Variants in USP36 observed in about 807,000 individuals in gnomAD.
USP36 encodes ubiquitin specific peptidase 36.
USP36 carries 59 observed loss-of-function variants against 111.5 expected under a neutral mutation model. That is an observed-to-expected ratio of 0.53 (90% CI 0.43 to 0.66). The LOEUF (loss-of-function observed/expected upper bound fraction) is 0.66, where lower values mean the gene tolerates loss of function less well. Ranked by LOEUF, USP36 falls within the 30% of genes least tolerant of loss-of-function variation. The probability of loss-of-function intolerance (pLI) is 0.00; values close to 1 mark genes in which losing one functional copy is unlikely to be tolerated. For missense variants in USP36, 1,488 were observed against 1,468.0 expected (o/e 1.01, Z -0.22); for synonymous variants, 628 against 581.0 (o/e 1.08, Z -1.16).
chr17:78,829,893 A>G (rs1599090138), intron 4 of USP36, among the ~76,000 whole-genome samples: 1 of 152,110 alleles, frequency 6.6e-6, no homozygotes, highest in Admixed American at 6.5e-5. Context: ...GGCTCGTGCC[A>G]CCATGCCAGG....
Position 78,807,596 on chromosome 17 carries a change from T to C in USP36, c.1448A>G (p.Glu483Gly). Residue 483 changes from glutamate (E) to glycine (G), a missense_variant, in exon 14 of 21, where the codon GAA becomes GGA. Physicochemically the swap from Glu to Gly is moderately conservative, Grantham distance 98 (BLOSUM62 -2). Coordinates refer to ENST00000449938, the MANE Select transcript of USP36 (RefSeq NM_001385174.1). ...CCTGGATATGGGCACACCAATCTCT[T>C]CAGTGGTGTGCGGCTTCTTCATCGT... is the stretch of plus-strand genomic sequence containing the variant. ...SGTMKKPHTT[E>G]EIGVPISRNG... 6.4e-7 allele frequency: 1 copy of C among 1,565,406 alleles called. No individual in the cohort carries two copies. The highest frequency in any genetic ancestry group is 8.7e-7 in the Non-Finnish European group (1 of 1,156,016).
intron 12 of USP36, among the ~76,000 whole-genome samples, chr17:78,813,270 A>AG (rs3068285): frequency 0.49 from 74,355 of 151,290 alleles, 18,378 homozygotes; most frequent in Non-Finnish European, 0.53. Context: ...AGAAAGCAAG[A>AG]ACCTCAAACA....
chr17:78,806,389 G>C, intron 14 of USP36, 103 bp from the exon 15 acceptor site: 3 of 1,498,860 alleles, frequency 2.0e-6, no homozygotes, highest in East Asian at 2.3e-5. Flanking sequence ...AAACAAAAGA[G>C]CCCAGAAAAA....
Position 78,807,171 on chromosome 17 carries a change from T to C in USP36, c.1873A>G (p.Lys625Glu), listed in dbSNP as rs750482825. The C allele has an allele frequency of 6.2e-7, 1 of 1,614,164 alleles. No homozygotes were observed. Among genetic ancestry groups the C allele is most frequent in the Non-Finnish European group, 8.5e-7 (1 of 1,180,018 alleles). The change falls in exon 14 of 21, where the codon AAG becomes GAG. Residue 625 changes from lysine (K) to glutamate (E), a missense_variant. By Grantham distance (56) the Lys-to-Glu change is moderately conservative (BLOSUM62 1). This residue lies in a region of USP36 where 1,073 missense variants were observed against 994.1 expected (regional missense o/e 1.08). Coordinates refer to ENST00000449938, the MANE Select transcript of USP36 (RefSeq NM_001385174.1). ...PEHSASSDST[K>E]APQTPRSGAA... ...CCACTCCTGGGGGTCTGGGGGGCCT[T>C]GGTGGAGTCGCTGCTGGCCGAGTGC...
rs375431712 is a variant in USP36, at chr17:78,798,478, C to T, written c.3314G>A (p.Arg1105Gln). The T allele has an allele frequency of 5.6e-6, 9 of 1,614,062 alleles. No individual in the cohort carries two copies. The highest frequency in any genetic ancestry group is 5.5e-5 in the South Asian group (5 of 91,094). The change falls in exon 20 of 21, where the codon CGG becomes CAG. Residue 1105 changes from arginine to glutamine, a missense_variant. Physicochemically the swap from Arg to Gln is conservative, Grantham distance 43. Around this residue, in one of 3 missense-constraint regions of USP36, gnomAD observed 1,073 missense variants for 994.1 expected, o/e 1.08. Coordinates refer to ENST00000449938, the MANE Select transcript of USP36 (RefSeq NM_001385174.1). The surrounding 1 kb of genome is among the most constrained non-coding windows in gnomAD (Gnocchi z 5.1). The stretch of plus-strand genomic sequence containing the variant: ...TGGGTGAGTCACAGACCAGAAGTTC[C>T]GTCGAGTCTGAAGTTTCTGGAAGGC... ...FNAFQKLQTR[R>Q]NFWSVTHPAK...
Position 78,836,305 on chromosome 17 carries a change from T to C in USP36, c.59A>G (p.Asp20Gly), listed in dbSNP as rs2068660642. ...ALKPGRKDSA[D>G]DGELGKLLAS... ...AAGAAGCTTCCCCAGTTCTCCATCA[T>C]CAGCCGAGTCCTTGCGGCCGGGTTT... Residue 20 changes from aspartate to glycine, a missense_variant, in exon 3 of 21, where the codon GAT becomes GGT. This residue lies in a region of USP36 where 219 missense variants were observed against 209.5 expected (regional missense o/e 1.05). Transcript: ENST00000449938. 1 of 1,614,208 alleles carries C rather than the reference T, an allele frequency of 6.2e-7. No homozygotes were observed. Among genetic ancestry groups the C allele is most frequent in the Non-Finnish European group, 8.5e-7 (1 of 1,180,040 alleles).
chr17:78,820,322 A>T (rs1038664513), intron 8 of USP36, among the ~76,000 whole-genome samples: 9 of 152,164 alleles, frequency 5.9e-5, no homozygotes, highest in Non-Finnish European at 1.3e-4. Flanking sequence ...AAAGAAATTT[A>T]AAAAATTAGC....
intron 7 of USP36, chr17:78,821,405 TATATATATATA>T (rs1341415812): frequency 1.5e-4 from 9 of 59,662 alleles, no homozygotes; most frequent in African/African-American, 7.9e-4. Context: ...TATATATATA[TATATATATATA>T]TATATTTTTT....
intron 10 of USP36, among the ~76,000 whole-genome samples, chr17:78,815,764 C>T (rs978093889): frequency 3.9e-5 from 6 of 152,116 alleles, no homozygotes; most frequent in East Asian, 1.9e-4. Flanking sequence ...CATACATGCA[C>T]GCATAAAATA....
intron 17 of USP36, among the ~76,000 whole-genome samples, chr17:78,802,047 T>G (rs1490430110): frequency 6.6e-6 from 1 of 152,042 alleles, no homozygotes; most frequent in Non-Finnish European, 1.5e-5. Flanking sequence ...GCTCTCAGCC[T>G]GTGCACTCCC....
rs150088686 is a variant in USP36 at position 78,815,483 on chromosome 17, C to G, written c.1024-931G>C. On this transcript the variant is annotated intron_variant, in intron 10 of 20. Coordinates refer to ENST00000449938, the MANE Select transcript of USP36 (RefSeq NM_001385174.1). ...GCATCTCCATTAGTTCTCTCACCACCTGGTTCCTAACGATCAAATGAGAAG... is the reference window on the plus strand; with the variant it reads ...GCATCTCCATTAGTTCTCTCACCACGTGGTTCCTAACGATCAAATGAGAAG... 1.3e-4 allele frequency among the ~76,000 whole-genome samples: 20 copies of G among 152,302 alleles called. No homozygotes were observed. The South Asian group carries it at 1.5e-3, about 11-fold the overall frequency.
At chr17:78,815,066 G>A (rs181228103) in intron 10 of USP36, among the ~76,000 whole-genome samples, 47 of 152,236 alleles carry the variant, frequency 3.1e-4, no homozygotes, top group Middle Eastern at 3.4e-3. Context: ...AGGTGCGGTG[G>A]CTCACGCCTG....
chr17:78,790,388 T>A (rs1313101091), intron 3 of USP36, among the ~76,000 whole-genome samples: 2 of 152,214 alleles, frequency 1.3e-5, no homozygotes. Context: ...CCTCCTGGGT[T>A]CAAGTGATTC....
intron 4 of USP36, among the ~76,000 whole-genome samples, chr17:78,833,913 T>C (rs748146249): frequency 2.2e-4 from 33 of 152,162 alleles, no homozygotes; most frequent in Non-Finnish European, 4.4e-4. Context: ...CTCTATTCTT[T>C]GGAAGAACGT....
At chr17:78,791,637 C>A (rs2093585206), downstream of USP36, among the ~76,000 whole-genome samples, 2 of 152,180 alleles carry the variant, frequency 1.3e-5, no homozygotes, top group Admixed American at 6.6e-5. Context: ...TCTGAGATCC[C>A]AGAACAACGG....
At chr17:78,837,729 C>T (rs2068816774) in intron 2 of USP36, among the ~76,000 whole-genome samples, 1 of 152,154 alleles carries the variant, frequency 6.6e-6, no homozygotes. Context: ...TGCTCACTCA[C>T]ATCAGAAAAA....
At chr17:78,819,487 G>A (rs1282613862) in intron 9 of USP36, among the ~76,000 whole-genome samples, 1 of 152,250 alleles carries the variant, frequency 6.6e-6, no homozygotes, top group East Asian at 1.9e-4. Context: ...AGTAAAAAAT[G>A]AAAGCCAAAG....
chr17:78,820,041 T>A lies in USP36; in HGVS notation c.829-29A>T, dbSNP rs189794632. The A allele has an allele frequency of 6.6e-5, 107 of 1,610,570 alleles. No individual in the cohort carries two copies. In the African/African-American group the frequency reaches 1.3e-3, roughly 20 times the overall value. On this transcript the variant is annotated intron_variant, in intron 8 of 20. Transcript: ENST00000449938. ...AGGAGGACAAAAACAGGGAGTAAAA[T>A]ACACAGCAGAGGAAAAAGGCTGATT...
At chr17:78,791,839 A>G (rs2093586780), downstream of USP36, 1 of 152,380 alleles carries the variant, frequency 6.6e-6, no homozygotes, top group Non-Finnish European at 1.5e-5. Context: ...TCACACCTGT[A>G]ATCCCAATGC....
Sources: gnomAD v4.1 joint callset for allele counts (sites outside exome capture counted in the v4.1 genomes callset) on GRCh38, gnomAD v4.1.1 for gene constraint, gnomAD v4.1.1 regional missense constraint, Gnocchi (gnomAD v3.1) non-coding constraint, MANE v1.5 for transcripts, NCBI Gene and HGNC (gene_info 2026-07-23, HGNC 2026-07-21) for gene names.